RBPMS: variants seen among roughly 807,000 people sequenced by gnomAD.
RBPMS encodes the protein RNA-binding protein with multiple splicing.
A neutral mutation model predicts 26.8 loss-of-function variants in RBPMS; 7 were observed. The ratio of observed to expected loss-of-function variants is 0.26; its 90% CI spans 0.15 to 0.49. RBPMS has a LOEUF of 0.49. RBPMS is among the 20% of genes least tolerant of loss of function. The pLI is 0.98. For missense variants in RBPMS, 186 were observed against 250.0 expected (o/e 0.74, Z 1.73); for synonymous variants, 96 against 93.3 (o/e 1.03, Z -0.17).
intron 4 of RBPMS, among the ~76,000 whole-genome samples, chr8:30,484,601 T>G (rs975982065): frequency 6.6e-6 from 1 of 152,182 alleles, no homozygotes; most frequent in Non-Finnish European, 1.5e-5. Context: ...AAAAACTGTA[T>G]GTAAACTAAA....
chr8:30,439,632 GT>G (rs1218636877), intron 1 of RBPMS, among the ~76,000 whole-genome samples: 1 of 151,690 alleles, frequency 6.6e-6, no homozygotes, highest in Non-Finnish European at 1.5e-5. Flanking sequence ...CTAATTGCCC[GT>G]TTTTTGACTT....
intron 4 of RBPMS, among the ~76,000 whole-genome samples, chr8:30,485,928 AGTT>A (rs1331809494): frequency 3.9e-5 from 6 of 152,254 alleles, no homozygotes. Flanking sequence ...GTAAGTTAAA[AGTT>A]GTTGTGAAAA....
chr8:30,561,958 G>A, intron 7 of RBPMS: 1 of 985,250 alleles, frequency 1.0e-6, no homozygotes, highest in Non-Finnish European at 1.2e-6. Flanking sequence ...TTCAGCAATG[G>A]CTACTAGAAG....
chr8:30,469,983 TCA>T (rs1816906463), intron 1 of RBPMS, among the ~76,000 whole-genome samples: 1 of 152,164 alleles, frequency 6.6e-6, no homozygotes, highest in African/African-American at 2.4e-5. Flanking sequence ...GTCTATGAAT[TCA>T]GTAGGCTTAG....
At chr8:30,455,609 G>C (rs1009145009) in intron 1 of RBPMS, among the ~76,000 whole-genome samples, 1 of 152,162 alleles carries the variant, frequency 6.6e-6, no homozygotes, top group Non-Finnish European at 1.5e-5. Context: ...GACAATGCAG[G>C]CCGGGCGTGG....
chr8:30,554,046 G>A (rs1284666940), intron 6 of RBPMS, among the ~76,000 whole-genome samples: 1 of 152,208 alleles, frequency 6.6e-6, no homozygotes, highest in Admixed American at 6.5e-5. Flanking sequence ...GAAGTGCTGG[G>A]ATTACAGGCA....
intron 5 of RBPMS, 133 bp downstream of exon 5, chr8:30,504,569 G>A (rs549229361): frequency 7.3e-6 from 6 of 816,744 alleles, no homozygotes; most frequent in East Asian, 5.4e-5. Context: ...TTGCCTAGGC[G>A]TTCTTGGTGT....
chr8:30,548,780 G>A lies in RBPMS; in HGVS notation c.528+4156G>A, dbSNP rs137988320. ...CTGCAGGGCTGTCCCCACCTCCCCT[G>A]TATCTGAGCAGTTGCTCATCAGCAG... On this transcript the variant is annotated intron_variant, in intron 6 of 8. Transcript: ENST00000397323. Among the ~76,000 whole-genome samples the A allele has an allele frequency of 1.8e-4, 28 of 152,322 alleles. No individual in the cohort carries two copies. The East Asian group carries it at 5.0e-3, about 27-fold the overall frequency.
At position 30,493,448 on chromosome 8, in the gene RBPMS, C is replaced by T. The variant is rs114182594; in HGVS notation, c.247-10838C>T. Among the ~76,000 whole-genome samples the T allele has an allele frequency of 5.4e-3, 817 of 152,138 alleles. 3 individuals carry two copies. Among genetic ancestry groups the T allele is most frequent in the African/African-American group, 0.018 (764 of 41,506 alleles). ...AAGGGACTACTGGCAGCACCAGCCA[C>T]GTTTGGTGTTTGTGCATTAAGGATT... is the stretch of plus-strand genomic sequence containing the variant. On this transcript the variant is annotated intron_variant, in intron 4 of 8. Transcript: ENST00000397323.
At chr8:30,427,158 T>C (rs1230931033) in intron 1 of RBPMS, among the ~76,000 whole-genome samples, 1 of 152,172 alleles carries the variant, frequency 6.6e-6, no homozygotes, top group East Asian at 1.9e-4. Flanking sequence ...AATCGGTGAA[T>C]TCAGCTATTG....
intron 5 of RBPMS, among the ~76,000 whole-genome samples, chr8:30,509,763 C>T (rs13439572): frequency 6.6e-5 from 10 of 152,266 alleles, no homozygotes; most frequent in Non-Finnish European, 8.8e-5. Flanking sequence ...GCAGAAGGAA[C>T]GGGACACAAG....
intron 6 of RBPMS, chr8:30,555,844 G>A: frequency 1.0e-6 from 1 of 979,964 alleles, no homozygotes; most frequent in South Asian, 4.7e-5. Context: ...CAGCCCGAAT[G>A]GGGCTAAGAG....
chr8:30,412,447 C>CT lies in RBPMS; in HGVS notation c.66+27303dup, dbSNP rs753987184. ...TCTTATTTTAATAGGAATGACACTA[C>CT]TTTTTTTTTTTTTTGTAATTATTAG... is the stretch of plus-strand genomic sequence containing the variant. On this transcript the variant is annotated intron_variant, in intron 1 of 8. Transcript: ENST00000397323. Among the ~76,000 whole-genome samples, 978 of 143,710 alleles carry CT rather than the reference C, an allele frequency of 6.8e-3. 8 individuals are homozygous for CT. The highest frequency in any genetic ancestry group is 0.014 in the Admixed American group (202 of 14,324). 94.3% of individuals were successfully genotyped at this position (143,710 alleles called of 152,430 possible).
Position 30,571,361 on chromosome 8 carries a change from C to G in RBPMS, c.*836C>G, listed in dbSNP as rs1404876070. ...TTGTACAGTTTTATGTTTCCACTCT[C>G]CTGTATGTGTAGCCACTCGATGCCT... On this transcript the variant is annotated 3_prime_UTR_variant, in exon 9 of 9. Transcript: ENST00000397323. 1.3e-5 allele frequency: 2 copies of G among 152,290 alleles called. No individual in the cohort carries two copies. The highest frequency in any genetic ancestry group is 6.5e-5 in the Admixed American group (1 of 15,292). 9.4% of individuals were successfully genotyped at this position (152,290 alleles called of 1,614,324 possible).
chr8:30,482,024 T>C (rs1379022988), intron 4 of RBPMS, among the ~76,000 whole-genome samples: 1 of 152,240 alleles, frequency 6.6e-6, no homozygotes, highest in Non-Finnish European at 1.5e-5. Context: ...GCATTTTTCC[T>C]TGTGGCAGTT....
intron 5 of RBPMS, among the ~76,000 whole-genome samples, chr8:30,533,798 C>T (rs528005142): frequency 8.1e-4 from 124 of 152,186 alleles, no homozygotes; most frequent in Admixed American, 1.8e-3. Context: ...GGTTTTTTCC[C>T]CCCACCAGAA....
rs1178600166 is a variant in RBPMS, at chr8:30,385,147, CAGG to C, written c.65_66+1del. 2 of 1,521,660 alleles carry C rather than the reference CAGG, an allele frequency of 1.3e-6. No individual in the cohort carries two copies. Among genetic ancestry groups the C allele is most frequent in the East Asian group, 2.7e-5 (1 of 36,858 alleles). The allele number at this position is 1,521,660 out of a possible 1,614,324, so 94.3% of individuals were successfully genotyped here. A position where few individuals can be genotyped will look rare whatever the true frequency, so the allele number is the denominator to read the frequency against. ...GAACACCCCGAGCGAGGCCAACCTT[CAGG>C]AGGAGGAGGTACTGGGCGGCTCGGT... On this transcript the variant is annotated inframe_deletion, in exon 1 of 9. Transcript: ENST00000397323.
chr8:30,433,019 T>C (rs1460519228), intron 1 of RBPMS, among the ~76,000 whole-genome samples: 4 of 152,188 alleles, frequency 2.6e-5, no homozygotes, highest in Admixed American at 2.6e-4. Flanking sequence ...TAAAATGATG[T>C]CTTTTGCCTA....
intron 5 of RBPMS, among the ~76,000 whole-genome samples, chr8:30,534,615 T>C (rs559123459): frequency 1.3e-5 from 2 of 152,282 alleles, no homozygotes; most frequent in Admixed American, 1.3e-4. Flanking sequence ...GGAGCTCAGT[T>C]CAGACACACA....
Sources: allele counts gnomAD v4.1 joint callset (sites outside exome capture counted in the v4.1 genomes callset), GRCh38; gene constraint gnomAD v4.1.1; transcripts MANE v1.5; gene names NCBI Gene and HGNC (gene_info 2026-07-23, HGNC 2026-07-21).